Variants in SETDB1 observed in about 807,000 individuals in gnomAD.
The protein encoded by SETDB1 is histone-lysine N-methyltransferase SETDB1.
In SETDB1, 31 loss-of-function variants were observed where a neutral mutation model predicts 137.4. The ratio of observed to expected loss-of-function variants is 0.23; its 90% confidence interval spans 0.17 to 0.30. The LOEUF (loss-of-function observed/expected upper bound fraction) is 0.30, where lower values mean the gene tolerates loss of function less well. Ranked by LOEUF, SETDB1 falls within the 10% of genes least tolerant of loss-of-function variation. The pLI, the probability that SETDB1 is intolerant of heterozygous loss-of-function variation, is 1.00. For missense variants in SETDB1, 1,113 were observed against 1,631.5 expected (o/e 0.68, Z 5.47); for synonymous variants, 548 against 579.9 (o/e 0.95, Z 0.79).
At chr1:150,953,956 G>A (rs1250688027) in intron 14 of SETDB1, among the ~76,000 whole-genome samples, 2 of 151,624 alleles carry the variant, frequency 1.3e-5, no homozygotes, top group Non-Finnish European at 2.9e-5. Flanking sequence ...CCGGGTTCAC[G>A]CCATTCTCCT....
chr1:150,954,057 T>C (rs1224922283), intron 14 of SETDB1, among the ~76,000 whole-genome samples: 1 of 152,044 alleles, frequency 6.6e-6, no homozygotes, highest in Non-Finnish European at 1.5e-5. Context: ...GGTTTCACCA[T>C]GTTAGCCAGG....
intron 3 of SETDB1, among the ~76,000 whole-genome samples, chr1:150,939,691 A>G (rs1033390891): frequency 6.6e-6 from 1 of 151,956 alleles, no homozygotes; most frequent in Non-Finnish European, 1.5e-5. Flanking sequence ...GGCCTCAGTC[A>G]GTCCTCCCAC....
chr1:150,940,312 T>G (rs587678936), intron 4 of SETDB1, among the ~76,000 whole-genome samples: 2 of 152,178 alleles, frequency 1.3e-5, no homozygotes, highest in East Asian at 3.9e-4. Flanking sequence ...ACGACTGTAA[T>G]CCCAGCACTT....
At chr1:150,942,535 C>T (rs778510283) in intron 5 of SETDB1, 28 bp from the exon 6 acceptor site, 30 of 1,598,684 alleles carry the variant, frequency 1.9e-5, no homozygotes, top group Non-Finnish European at 2.3e-5. Context: ...TGTCATAACT[C>T]TTGAGAATAA....
chr1:150,951,419 A>C lies in SETDB1; in HGVS notation c.2271A>C (p.Gly757=). The change falls in exon 14 of 22, where the codon GGA becomes GGC. Residue 757 remains glycine (G), a synonymous_variant. Transcript: ENST00000692827. ...TCCAGGCTACAGCCTGTACCCCAGG[A>C]GGCCAAATCAACCCTAACTCTGGCT... is the stretch of plus-strand genomic sequence containing the variant. ...LTIQATACTP[G]GQINPNSGYQ... 3.1e-6 allele frequency: 5 copies of C among 1,614,026 alleles called. No homozygotes were observed. Among genetic ancestry groups the C allele is most frequent in the Non-Finnish European group, 3.4e-6 (4 of 1,179,864 alleles).
intron 14 of SETDB1, among the ~76,000 whole-genome samples, chr1:150,955,148 T>C (rs1304443130): frequency 6.6e-6 from 1 of 152,254 alleles, no homozygotes; most frequent in East Asian, 1.9e-4. Context: ...GTTGCATTGC[T>C]GTATCATGTA....
rs1327799691 is a variant in SETDB1 at position 150,937,186 on chromosome 1, T to TA, written c.413-2743dup. Among the ~76,000 whole-genome samples the TA allele has an allele frequency of 4.6e-3, 607 of 131,210 alleles. 4 individuals carry two copies. Among genetic ancestry groups the TA allele is most frequent in the Non-Finnish European group, 7.6e-3 (466 of 61,300 alleles). 86.1% of individuals were successfully genotyped at this position (131,210 alleles called of 152,430 possible). ...ACCCAAGGGATTATTACACAGCCACTAAAAAAAAAAAGAAAAAAAAAAGAC... is the reference window on the plus strand; with the variant it reads ...ACCCAAGGGATTATTACACAGCCACTAAAAAAAAAAAAGAAAAAAAAAAGAC... On this transcript the variant is annotated intron_variant, in intron 3 of 21. Coordinates refer to ENST00000692827, the MANE Select transcript of SETDB1 (RefSeq NM_001366418.1).
chr1:150,940,997 CAAA>C (rs765844613), intron 4 of SETDB1, among the ~76,000 whole-genome samples: 1 of 119,062 alleles, frequency 8.4e-6, no homozygotes, highest in African/African-American at 3.2e-5. Flanking sequence ...GACTCCATCT[CAAA>C]AAAAAAAAAA....
At chr1:150,949,566 A>C (rs758741233) in intron 12 of SETDB1, 41 bp downstream of exon 12, 1 of 1,586,934 alleles carries the variant, frequency 6.3e-7, no homozygotes, top group East Asian at 2.3e-5. Context: ...GATAGCAATG[A>C]GTGGTCACTG....
At chr1:150,939,061 C>T (rs926793449) in intron 3 of SETDB1, among the ~76,000 whole-genome samples, 2 of 151,876 alleles carry the variant, frequency 1.3e-5, no homozygotes, top group Admixed American at 6.6e-5. Flanking sequence ...GCCTCAGCTT[C>T]TCGTGAAGCC....
Position 150,960,089 on chromosome 1 carries a change from A to C in SETDB1, c.2504-474A>C, listed in dbSNP as rs184390681. On this transcript the variant is annotated intron_variant, in intron 15 of 21. Coordinates refer to ENST00000692827, the MANE Select transcript of SETDB1 (RefSeq NM_001366418.1). ...ACTCTGTCTCAAAAACAAAACAAAA[A>C]AAAAAACAGAAATGAGAGACCAGAA... Among the ~76,000 whole-genome samples, 1,437 of 151,482 alleles carry C rather than the reference A, an allele frequency of 9.5e-3. 22 individuals carry two copies. The highest frequency in any genetic ancestry group is 0.025 in the African/African-American group (1,048 of 41,228).
chr1:150,926,458 T>A lies in SETDB1; in HGVS notation c.-71T>A, dbSNP rs2102617279. The A allele has an allele frequency of 3.3e-6, 1 of 300,554 alleles. No individual in the cohort carries two copies. Among genetic ancestry groups the A allele is most frequent in the Non-Finnish European group, 6.4e-6 (1 of 155,758 alleles). 18.6% of individuals were successfully genotyped at this position (300,554 alleles called of 1,614,324 possible). Reference sequence around the variant, plus strand: ...GCTCTTTTCCGTCGAGGCCGACCCCTGAGTTGTGAGTCTGGGGTCTGGTTG... The same window carrying A: ...GCTCTTTTCCGTCGAGGCCGACCCCAGAGTTGTGAGTCTGGGGTCTGGTTG... On this transcript the variant is annotated 5_prime_UTR_variant, in exon 1 of 22. Coordinates refer to ENST00000692827, the MANE Select transcript of SETDB1 (RefSeq NM_001366418.1).
rs1438320105 is a variant in SETDB1 at position 150,927,745 on chromosome 1, G to C, written c.31G>C (p.Asp11His). The change falls in exon 2 of 22, where the codon GAT becomes CAT. Residue 11 changes from aspartate (D) to histidine (H), a missense_variant. Asp to His is a moderately conservative substitution (Grantham distance 81, BLOSUM62 -1). Coordinates refer to ENST00000692827, the MANE Select transcript of SETDB1 (RefSeq NM_001366418.1). ...TTCCCTTCCTGGGTGCATTGGTTTG[G>C]ATGCAGCAACAGCTACAGTGGAGTC... MSSLPGCIGL[D>H]AATATVESEE... 3.7e-6 allele frequency: 6 copies of C among 1,614,124 alleles called. No individual in the cohort carries two copies. The highest frequency in any genetic ancestry group is 5.1e-6 in the Non-Finnish European group (6 of 1,179,978).
chr1:150,926,485 T>A lies in SETDB1; in HGVS notation c.-44T>A, dbSNP rs1669520866. On this transcript the variant is annotated 5_prime_UTR_variant, in exon 1 of 22. Coordinates refer to ENST00000692827, the MANE Select transcript of SETDB1 (RefSeq NM_001366418.1). ...AGTTGTGAGTCTGGGGTCTGGTTGG[T>A]GAAAAAGAGCCCTTGAAGCTGGAAG... is the stretch of plus-strand genomic sequence containing the variant. 3 of 323,222 alleles carry A rather than the reference T, an allele frequency of 9.3e-6. No individual in the cohort carries two copies. Among genetic ancestry groups the A allele is most frequent in the South Asian group, 7.6e-5 (3 of 39,536 alleles). 20.0% of individuals were successfully genotyped at this position (323,222 alleles called of 1,614,324 possible). A position where few individuals can be genotyped will look rare whatever the true frequency, so the allele number is the denominator to read the frequency against.
chr1:150,927,636 C>T, intron 1 of SETDB1, 68 bp from the exon 2 acceptor site: 1 of 1,428,832 alleles, frequency 7.0e-7, no homozygotes, highest in East Asian at 2.3e-5. Context: ...TATTAGGGAA[C>T]TGAAATTCTC....
At chr1:150,962,066 C>T (rs368009064) in intron 16 of SETDB1, 64 bp from the exon 17 acceptor site, 3 of 1,600,414 alleles carry the variant, frequency 1.9e-6, no homozygotes, top group Non-Finnish European at 8.6e-7. Context: ...CATTTGAAGT[C>T]TGATTATTGG....
chr1:150,964,734 C>A lies in SETDB1; in HGVS notation c.*370C>A. The A allele has an allele frequency of 1.8e-6, 1 of 557,406 alleles. No individual in the cohort carries two copies. Among genetic ancestry groups the A allele is most frequent in the Middle Eastern group, 4.8e-4 (1 of 2,102 alleles). 34.5% of individuals were successfully genotyped at this position (557,406 alleles called of 1,614,324 possible). On this transcript the variant is annotated 3_prime_UTR_variant, in exon 22 of 22. Coordinates refer to ENST00000692827, the MANE Select transcript of SETDB1 (RefSeq NM_001366418.1). Reference sequence around the variant, plus strand: ...AAAGTCTTTTAACAATATGATAAAACTAAGATTGTGGTTTTGTTTCTCTCT... The same window carrying A: ...AAAGTCTTTTAACAATATGATAAAAATAAGATTGTGGTTTTGTTTCTCTCT...
chr1:150,961,398 A>C, intron 16 of SETDB1: 1 of 544,438 alleles, frequency 1.8e-6, no homozygotes, highest in Non-Finnish European at 3.2e-6. Context: ...CACACCTGTA[A>C]TCCCAACACT....
Position 150,959,357 on chromosome 1 carries a change from A to G in SETDB1, c.2503+10A>G. 1 of 1,598,932 alleles carries G rather than the reference A, an allele frequency of 6.3e-7. No individual in the cohort carries two copies. The highest frequency in any genetic ancestry group is 1.3e-5 in the African/African-American group (1 of 74,184). On this transcript the variant is annotated intron_variant, in intron 15 of 21. Coordinates refer to ENST00000692827, the MANE Select transcript of SETDB1 (RefSeq NM_001366418.1). ...GTTTGTATTTATGCAGGTTGGTGAT[A>G]AAATATAAGGGTTGTTTCCTGAGAC...
Sources: allele counts gnomAD v4.1 joint callset (sites outside exome capture counted in the v4.1 genomes callset), GRCh38; gene constraint gnomAD v4.1.1; transcripts MANE v1.5; gene names NCBI Gene and HGNC (gene_info 2026-07-23, HGNC 2026-07-21).